The following RABGGTA variants were observed in gnomAD, a reference collection of about 807,000 sequenced individuals.
The protein encoded by RABGGTA is geranylgeranyl transferase type-2 subunit alpha.
RABGGTA carries 69 observed loss-of-function variants against 83.3 expected under a neutral mutation model. The observed-to-expected ratio is 0.83, with a 90% CI of 0.68 to 1.01. The LOEUF (loss-of-function observed/expected upper bound fraction) is 1.01, where lower values mean the gene tolerates loss of function less well. RABGGTA is among the 50% of genes least tolerant of loss of function. RABGGTA has a pLI of 0.00. For synonymous variants in RABGGTA, 310 were observed against 299.8 expected, an observed-to-expected ratio of 1.03 and a Z score of -0.35; for missense variants, 681 against 712.7, an observed-to-expected ratio of 0.96 and a Z score of 0.51.
At chr14:24,266,562 AG>A in intron 15 of RABGGTA, 45 bp from the exon 16 acceptor site, 2 of 1,579,880 alleles carry the variant, frequency 1.3e-6, no homozygotes, top group Non-Finnish European at 1.7e-6. Flanking sequence ...GCTGTCAGCC[AG>A]GGATGGTTCA....
At chr14:24,266,954 C>T (rs572295357) in intron 14 of RABGGTA, 65 bp from the exon 15 acceptor site, 2 of 1,215,404 alleles carry the variant, frequency 1.6e-6, no homozygotes, top group East Asian at 4.7e-5. Flanking sequence ...GGTCCTCGGC[C>T]AGCATTTATT....
chr14:24,269,616 C>A lies in RABGGTA; in HGVS notation c.506G>T (p.Ser169Ile), dbSNP rs2040918983. 1 of 1,613,966 alleles carries A rather than the reference C, an allele frequency of 6.2e-7. No homozygotes were observed. The highest frequency in any genetic ancestry group is 8.5e-7 in the Non-Finnish European group (1 of 1,179,838). ...PPAEELAFTD[S>I]LITRNFSNYS... ...GTTGGAGAAGTTTCGGGTGATGAGG[C>A]TGTCAGTGAAGGCTAGCTCTTCTGC... The change falls in exon 6 of 17, where the codon AGC becomes ATC. Residue 169 changes from serine (S) to isoleucine (I), a missense_variant. By Grantham distance (142) the Ser-to-Ile change is moderately radical. Transcript: ENST00000216840.
chr14:24,271,054 GC>G, intron 2 of RABGGTA, 58 bp downstream of exon 2: 1 of 1,579,732 alleles, frequency 6.3e-7, no homozygotes, highest in Non-Finnish European at 8.6e-7. Flanking sequence ...CCATGGCACT[GC>G]CACTGGGGGT....
Position 24,266,504 on chromosome 14 carries a change from C to G in RABGGTA, c.1481G>C (p.Ser494Thr), listed in dbSNP as rs751037149. 1 of 1,613,946 alleles carries G rather than the reference C, an allele frequency of 6.2e-7. No individual in the cohort carries two copies. The highest frequency in any genetic ancestry group is 8.5e-7 in the Non-Finnish European group (1 of 1,179,864). Residue 494 changes from serine (S) to threonine (T), a missense_variant, in exon 16 of 17, where the codon AGT becomes ACT. Physicochemically the swap from Ser to Thr is moderately conservative, Grantham distance 58. Coordinates refer to ENST00000216840, the MANE Select transcript of RABGGTA (RefSeq NM_182836.3). ...ALRCLEVLQA[S>T]DNAIESLDGV... ...GTCCAGGGACTCTATGGCATTATCACTGGCCTGCAGCACCTGGGGGCAGGG... is the reference window on the plus strand; with the variant it reads ...GTCCAGGGACTCTATGGCATTATCAGTGGCCTGCAGCACCTGGGGGCAGGG...
rs905004744 is a variant in RABGGTA at position 24,269,645 on chromosome 14, G to A, written c.477C>T (p.Pro159=). Residue 159 remains proline, a synonymous_variant, in exon 6 of 17, where the codon CCC becomes CCT. Transcript: ENST00000216840. ...CAGTGAAGGCTAGCTCTTCTGCAGG[G>A]GGCACGGCTGCCTGTGTGGCCACAA... is the stretch of plus-strand genomic sequence containing the variant. ...RRFVATQAAV[P]PAEELAFTDS... 6 of 1,613,842 alleles carry A rather than the reference G, an allele frequency of 3.7e-6. No homozygotes were observed. Among genetic ancestry groups the A allele is most frequent in the Non-Finnish European group, 5.1e-6 (6 of 1,179,882 alleles).
At position 24,268,099 on chromosome 14, in the gene RABGGTA, T is replaced by C. The variant is rs770007363; in HGVS notation, c.1147+11A>G. On this transcript the variant is annotated intron_variant, in intron 12 of 16. Coordinates refer to ENST00000216840, the MANE Select transcript of RABGGTA (RefSeq NM_182836.3). ...GCTCTGGGAGCAGACTCTCACGGAA[T>C]GGGGCCTCACATTTATTCTCAGGCT... 3.1e-6 allele frequency: 5 copies of C among 1,609,292 alleles called. No individual in the cohort carries two copies. The South Asian group carries it at 4.4e-5, about 14-fold the overall frequency.
chr14:24,271,068 G>A, intron 2 of RABGGTA, 45 bp downstream of exon 2: 4 of 1,573,638 alleles, frequency 2.5e-6, no homozygotes, highest in East Asian at 2.2e-5. Context: ...CTGGGGGTGA[G>A]GGCGCGGGCC....
At position 24,271,251 on chromosome 14, in the gene RABGGTA, G is replaced by C; in HGVS notation, c.-54-82C>G. 5.1e-6 allele frequency: 6 copies of C among 1,186,492 alleles called. No individual in the cohort carries two copies. The South Asian group carries it at 1.0e-4, about 21-fold the overall frequency. 73.5% of individuals were successfully genotyped at this position (1,186,492 alleles called of 1,614,324 possible). A position where few individuals can be genotyped will look rare whatever the true frequency, so the allele number is the denominator to read the frequency against. ...GTGTCCGGAAGCAGCAAGCGTGCCT[G>C]GGCAGAGACCCCCAGAGTGTAAAGA... is the stretch of plus-strand genomic sequence containing the variant. On this transcript the variant is annotated intron_variant, in intron 1 of 16. Transcript: ENST00000216840.
rs771714707 is a variant in RABGGTA, at chr14:24,268,638, G to A, written c.901-19C>T. 1.9e-6 allele frequency: 3 copies of A among 1,612,454 alleles called. No homozygotes were observed. Among genetic ancestry groups the A allele is most frequent in the South Asian group, 1.1e-5 (1 of 91,066 alleles). On this transcript the variant is annotated intron_variant, in intron 9 of 16. Coordinates refer to ENST00000216840, the MANE Select transcript of RABGGTA (RefSeq NM_182836.3). ...CACAGAGCTGGGAGTACTGGGTCAA[G>A]GAAATGCCCCAGCCTAACCACTTTT...
In RABGGTA at chr14:24,268,741, C is replaced by T. The variant is rs377451545; in HGVS notation, c.884G>A (p.Arg295Gln). ...VEWRTPDGRN[R>Q]PSHVWLCDLP... ...CTGGGATACCCAGACATGGCTGGGC[C>T]GGTTCCTGCCATCTGGGGTCCTCCA... The change falls in exon 9 of 17, where the codon CGG (arginine) becomes CAG (glutamine). Residue 295 changes from arginine to glutamine, a missense_variant. Around this residue, in one of 5 missense-constraint regions of RABGGTA, gnomAD observed 421 missense variants for 418.5 expected, o/e 1.01. Coordinates refer to ENST00000216840, the MANE Select transcript of RABGGTA (RefSeq NM_182836.3). The T allele has an allele frequency of 2.4e-5, 38 of 1,590,694 alleles. No individual in the cohort carries two copies. In the African/African-American group the frequency reaches 3.1e-4, roughly 13 times the overall value.
intron 10 of RABGGTA, 32 bp from the exon 11 acceptor site, chr14:24,268,452 C>G: frequency 6.3e-7 from 1 of 1,594,968 alleles, no homozygotes; most frequent in Non-Finnish European, 8.5e-7. Flanking sequence ...GGAGGGTGCA[C>G]CCTTGAGAGG....
chr14:24,265,705 G>A lies in RABGGTA; in HGVS notation c.1614C>T (p.Leu538=), dbSNP rs2040864997. 1.2e-6 allele frequency: 2 copies of A among 1,612,912 alleles called. No individual in the cohort carries two copies. The highest frequency in any genetic ancestry group is 1.7e-6 in the Non-Finnish European group (2 of 1,179,484). ...PLASCPRLVL[L]NLQGNPLCQA... ...GGCACAGCGGGTTACCCTGCAGGTT[G>A]AGGAGGACCAGCCTGGGGCAGGAGG... is the stretch of plus-strand genomic sequence containing the variant. Residue 538 remains leucine (L), a synonymous_variant, in exon 17 of 17, where the codon CTC becomes CTT. Transcript: ENST00000216840.
At position 24,271,032 on chromosome 14, in the gene RABGGTA, C is replaced by G. The variant is rs74499322; in HGVS notation, c.3+81G>C. On this transcript the variant is annotated intron_variant, in intron 2 of 16. Coordinates refer to ENST00000216840, the MANE Select transcript of RABGGTA (RefSeq NM_182836.3). Reference sequence around the variant, plus strand: ...ACCCCACACTGTGGAGCCCTAGGTTCATACGGGGCAACCATGGCACTGCCA... The same window carrying G: ...ACCCCACACTGTGGAGCCCTAGGTTGATACGGGGCAACCATGGCACTGCCA... The G allele has an allele frequency of 9.9e-4, 1,568 of 1,591,778 alleles. 14 individuals are homozygous for G. The East Asian group carries it at 0.025, about 26-fold the overall frequency.
chr14:24,266,701 G>C (rs1198529103), intron 15 of RABGGTA, 75 bp downstream of exon 15: 2 of 1,395,360 alleles, frequency 1.4e-6, no homozygotes, highest in African/African-American at 2.9e-5. Flanking sequence ...TCTCCTTGTA[G>C]GATGGGCAGA....
Position 24,269,648 on chromosome 14 carries a change from C to G in RABGGTA, c.474G>C (p.Val158=). 1 of 1,613,932 alleles carries G rather than the reference C, an allele frequency of 6.2e-7. No individual in the cohort carries two copies. The highest frequency in any genetic ancestry group is 2.2e-5 in the East Asian group (1 of 44,884). The change falls in exon 6 of 17, where the codon GTG becomes GTC. Residue 158 remains valine, a synonymous_variant. Transcript: ENST00000216840. ...YRRFVATQAA[V]PPAEELAFTD... ...TGAAGGCTAGCTCTTCTGCAGGGGG[C>G]ACGGCTGCCTGTGTGGCCACAAACC...
Position 24,268,436 on chromosome 14 carries a change from G to T in RABGGTA, c.1007-16C>A. 1.9e-6 allele frequency: 3 copies of T among 1,613,824 alleles called. No homozygotes were observed. The highest frequency in any genetic ancestry group is 2.5e-6 in the Non-Finnish European group (3 of 1,179,902). On this transcript the variant is annotated splice_polypyrimidine_tract_variant and intron_variant, in intron 10 of 16. Coordinates refer to ENST00000216840, the MANE Select transcript of RABGGTA (RefSeq NM_182836.3). ...TCCTGGCGGCCTGGGGAAAGAGTAG[G>T]TGGTTGGAGGGTGCACCCTTGAGAG...
chr14:24,266,529 G>C lies in RABGGTA; in HGVS notation c.1468-12C>G. 6.2e-7 allele frequency: 1 copy of C among 1,612,250 alleles called. No individual in the cohort carries two copies. The highest frequency in any genetic ancestry group is 1.7e-5 in the Admixed American group (1 of 60,016). On this transcript the variant is annotated splice_polypyrimidine_tract_variant and intron_variant, in intron 15 of 16. Transcript: ENST00000216840. Reference sequence around the variant, plus strand: ...CTGGCCTGCAGCACCTGGGGGCAGGGAGGGCAGGGAGGCAGGACAGGCGCT... The same window carrying C: ...CTGGCCTGCAGCACCTGGGGGCAGGCAGGGCAGGGAGGCAGGACAGGCGCT...
Position 24,269,098 on chromosome 14 carries a change from G to A in RABGGTA, c.697C>T (p.Arg233Cys), listed in dbSNP as rs1311514536. The A allele has an allele frequency of 3.1e-6, 5 of 1,610,532 alleles. No homozygotes were observed. Among genetic ancestry groups the A allele is most frequent in the Admixed American group, 1.7e-5 (1 of 59,504 alleles). The change falls in exon 7 of 17, where the codon CGT becomes TGT. Residue 233 changes from arginine (R) to cysteine (C), a missense_variant. This residue lies in a region of RABGGTA where 11 missense variants were observed against 31.8 expected (regional missense o/e 0.35). Transcript: ENST00000216840. ...TGCTCACCTCGGCCTAGGAGCCAAC[G>A]GTGATAAAACCAGGCACTCTGGTCA... The part of the protein sequence containing the change: ...PNDQSAWFYH[R>C]WLLGRADPQD...
At chr14:24,266,927 CAGG>C (rs1161269108) in intron 14 of RABGGTA, 38 bp from the exon 15 acceptor site, 1 of 1,490,992 alleles carries the variant, frequency 6.7e-7, no homozygotes, top group Non-Finnish European at 9.3e-7. Context: ...ATGGGCTTCC[CAGG>C]AGACCTGGGA....
Sources: gnomAD v4.1 joint callset for allele counts on GRCh38, gnomAD v4.1.1 for gene constraint, gnomAD v4.1.1 regional missense constraint, MANE v1.5 for transcripts, NCBI Gene and HGNC (gene_info 2026-07-23, HGNC 2026-07-21) for gene names.